The following NIPAL3 variants were observed in gnomAD, a reference collection of about 807,000 sequenced individuals.
NIPAL3 encodes the protein NIPA-like protein 3.
NIPAL3 carries 41 observed loss-of-function variants against 47.2 expected under a neutral mutation model. That is an observed-to-expected ratio of 0.87 (90% CI 0.68 to 1.13). The LOEUF is 1.13. Among genes scored for constraint, NIPAL3 ranks in the 50% most tolerant of loss-of-function variants. NIPAL3 has a pLI of 0.00. For synonymous variants in NIPAL3, 194 were observed against 209.6 expected, an observed-to-expected ratio of 0.93 and a Z score of 0.64; for missense variants, 449 against 530.1, an observed-to-expected ratio of 0.85 and a Z score of 1.50.
Position 24,460,531 on chromosome 1 carries a change from A to G in NIPAL3, c.913A>G (p.Met305Val). The G allele has an allele frequency of 1.3e-6, 2 of 1,580,982 alleles. No individual in the cohort carries two copies. The highest frequency in any genetic ancestry group is 1.7e-4 in the Middle Eastern group (1 of 6,000). The change falls in exon 10 of 12, where the codon ATG becomes GTG. Residue 305 changes from methionine to valine, a missense_variant. By Grantham distance (21) the Met-to-Val change is conservative (BLOSUM62 1). Transcript: ENST00000374399. Reference protein sequence around the residue: ...FIGEDVLHICMFALGCLIAFL... With the variant: ...FIGEDVLHICVFALGCLIAFL... ...CGGGGAGGACGTGCTGCACATCTGC[A>G]TGTTTGCACTGGGGTGAGTTCTGTC...
intron 2 of NIPAL3, among the ~76,000 whole-genome samples, chr1:24,438,455 C>T (rs574470666): frequency 2.0e-5 from 3 of 152,324 alleles, no homozygotes; most frequent in African/African-American, 4.8e-5. Context: ...GCCTCCCTCT[C>T]GGTCCTCCTG....
intron 8 of NIPAL3, among the ~76,000 whole-genome samples, chr1:24,456,676 TAAAAAAG>T (rs1019959631): frequency 1.3e-5 from 2 of 152,170 alleles, no homozygotes; most frequent in Admixed American, 6.5e-5. Context: ...GACACAGAAT[TAAAAAAG>T]AAAAAAGAAA....
chr1:24,415,059 C>A (rs1202613272), upstream of NIPAL3: 1 of 152,154 alleles, frequency 6.6e-6, no homozygotes, highest in East Asian at 1.9e-4. Flanking sequence ...TTTCTTCATA[C>A]GTAAAACGGG....
chr1:24,428,351 C>CT (rs1479828598), intron 2 of NIPAL3, among the ~76,000 whole-genome samples: 1 of 150,174 alleles, frequency 6.7e-6, no homozygotes, highest in Non-Finnish European at 1.5e-5. Context: ...AAATATTACT[C>CT]TAATTTTCTT....
At chr1:24,418,077 T>C (rs1644140989) in intron 1 of NIPAL3, among the ~76,000 whole-genome samples, 1 of 152,220 alleles carries the variant, frequency 6.6e-6, no homozygotes, top group Non-Finnish European at 1.5e-5. Flanking sequence ...ATGACTGCCA[T>C]GTGGAGTGGG....
chr1:24,435,769 G>A lies in NIPAL3; in HGVS notation c.94-4403G>A, dbSNP rs187405462. The stretch of plus-strand genomic sequence containing the variant: ...TGGGGAGGAGGACACCTTGCCACTG[G>A]CTCCCTGCTTAGCCTTCCCTGATAG... On this transcript the variant is annotated intron_variant, in intron 2 of 11. Coordinates refer to ENST00000374399, the MANE Select transcript of NIPAL3 (RefSeq NM_020448.5). 3.4e-3 allele frequency among the ~76,000 whole-genome samples: 522 copies of A among 152,332 alleles called. 1 individual carries two copies. Among genetic ancestry groups the A allele is most frequent in the Non-Finnish European group, 5.1e-3 (350 of 68,030 alleles).
chr1:24,413,571 G>C (rs941875420), upstream of NIPAL3: 2 of 152,328 alleles, frequency 1.3e-5, no homozygotes, highest in African/African-American at 2.4e-5. Context: ...AGCACCCGGA[G>C]GCCGGGGGGT....
At chr1:24,414,009 G>C (rs1643895101), upstream of NIPAL3, 1 of 152,138 alleles carries the variant, frequency 6.6e-6, no homozygotes. Flanking sequence ...CCTGCTTCAA[G>C]GAATATACCT....
intron 6 of NIPAL3, among the ~76,000 whole-genome samples, chr1:24,452,710 T>G (rs1025292155): frequency 2.0e-5 from 3 of 152,016 alleles, no homozygotes; most frequent in Admixed American, 6.6e-5. Context: ...CTCATATTCT[T>G]TATTTATGTA....
In NIPAL3 at chr1:24,452,255, G is replaced by A. The variant is rs183139142; in HGVS notation, c.541-1153G>A. On this transcript the variant is annotated intron_variant, in intron 6 of 11. Transcript: ENST00000374399. ...CAAGGAGGGGGAGCTTCTCAAACTC[G>A]GACTTGCCATCGTCTAGTGGTAAGT... 5.9e-5 allele frequency among the ~76,000 whole-genome samples: 9 copies of A among 152,260 alleles called. No individual in the cohort carries two copies. In the East Asian group the frequency reaches 9.6e-4, roughly 16 times the overall value.
intron 2 of NIPAL3, among the ~76,000 whole-genome samples, chr1:24,420,360 G>T (rs1353003419): frequency 6.6e-6 from 1 of 152,082 alleles, no homozygotes; most frequent in Non-Finnish European, 1.5e-5. Context: ...AAATTAGCCA[G>T]GTGTGGTGGC....
intron 2 of NIPAL3, among the ~76,000 whole-genome samples, chr1:24,428,776 C>T (rs1644747120): frequency 6.6e-6 from 1 of 152,134 alleles, no homozygotes; most frequent in South Asian, 2.1e-4. Flanking sequence ...TCCCTTGGCC[C>T]ATACATAACC....
intron 2 of NIPAL3, among the ~76,000 whole-genome samples, chr1:24,432,704 G>T (rs1277363271): frequency 1.3e-5 from 2 of 152,154 alleles, no homozygotes; most frequent in African/African-American, 4.8e-5. Flanking sequence ...GATGATAATA[G>T]TACCTGCCTT....
chr1:24,428,575 A>G (rs145809756), intron 2 of NIPAL3, among the ~76,000 whole-genome samples: 2 of 152,254 alleles, frequency 1.3e-5, no homozygotes, highest in East Asian at 3.9e-4. Context: ...TCATATTTCT[A>G]CACAGTCGTC....
At chr1:24,431,940 G>C (rs758435925) in intron 2 of NIPAL3, among the ~76,000 whole-genome samples, 14 of 151,042 alleles carry the variant, frequency 9.3e-5, no homozygotes, top group Non-Finnish European at 1.6e-4. Flanking sequence ...CACTAGATCA[G>C]GTCCCTGTCA....
chr1:24,431,179 T>C (rs1644860361), intron 2 of NIPAL3, among the ~76,000 whole-genome samples: 1 of 152,220 alleles, frequency 6.6e-6, no homozygotes, highest in Non-Finnish European at 1.5e-5. Flanking sequence ...AAAGTCATTC[T>C]TGGGATGGGC....
chr1:24,445,584 A>G (rs1404610109), intron 5 of NIPAL3, among the ~76,000 whole-genome samples: 1 of 152,244 alleles, frequency 6.6e-6, no homozygotes, highest in African/African-American at 2.4e-5. Context: ...ACAGATGATC[A>G]GAAGTCATGC....
intron 9 of NIPAL3, among the ~76,000 whole-genome samples, chr1:24,459,568 A>G (rs371623465): frequency 3.3e-5 from 5 of 152,374 alleles, no homozygotes; most frequent in African/African-American, 1.2e-4. Flanking sequence ...AGAGTAAAAA[A>G]TCCAATAAGA....
chr1:24,421,497 G>T (rs1382673476), intron 2 of NIPAL3, among the ~76,000 whole-genome samples: 1 of 152,186 alleles, frequency 6.6e-6, no homozygotes, highest in Non-Finnish European at 1.5e-5. Flanking sequence ...AGATCCTATA[G>T]CAAGTTGAGA....
Sources: allele counts gnomAD v4.1 joint callset (sites outside exome capture counted in the v4.1 genomes callset), GRCh38; gene constraint gnomAD v4.1.1; transcripts MANE v1.5; gene names NCBI Gene and HGNC (gene_info 2026-07-23, HGNC 2026-07-21).